The following NR3C2 variants were observed in gnomAD, a reference collection of about 807,000 sequenced individuals.
NR3C2 encodes mineralocorticoid receptor.
Under a neutral mutation model 86.4 loss-of-function variants are expected in NR3C2, and 15 were observed. The ratio of observed to expected loss-of-function variants is 0.17; its 90% confidence interval spans 0.12 to 0.27. The LOEUF (loss-of-function observed/expected upper bound fraction) is 0.27, where lower values mean the gene tolerates loss of function less well. NR3C2 is among the 10% of genes least tolerant of loss of function. The pLI is 1.00. For synonymous variants in NR3C2, 458 were observed against 450.5 expected (o/e 1.02, Z -0.21); for missense variants, 960 against 1,195.6 (o/e 0.80, Z 2.91).
At chr4:148,335,544 A>C in intron 2 of NR3C2, among the ~76,000 whole-genome samples, 1 of 152,222 alleles carries the variant, frequency 6.6e-6, no homozygotes, top group East Asian at 1.9e-4. Flanking sequence ...GCATCATCTC[A>C]AGTACTTCAG....
chr4:148,360,766 C>T (rs574757860), intron 2 of NR3C2, among the ~76,000 whole-genome samples: 37 of 152,132 alleles, frequency 2.4e-4, no homozygotes, highest in African/African-American at 8.9e-4. Context: ...ATCCTATATG[C>T]CAGGTATTTT....
At chr4:148,364,927 C>T (rs72729957) in intron 2 of NR3C2, among the ~76,000 whole-genome samples, 1 of 151,580 alleles carries the variant, frequency 6.6e-6, no homozygotes, top group Non-Finnish European at 1.5e-5. Context: ...ATACACAGAG[C>T]CTGAAGCTAA....
intron 8 of NR3C2, 123 bp from the exon 9 acceptor site, chr4:148,081,622 C>T: frequency 6.8e-6 from 9 of 1,321,974 alleles, no homozygotes; most frequent in Non-Finnish European, 9.5e-6. Flanking sequence ...GAGACCATGT[C>T]TTCATTAATT....
At chr4:148,351,379 GCAATCCA>G (rs1745265249) in intron 2 of NR3C2, among the ~76,000 whole-genome samples, 1 of 152,180 alleles carries the variant, frequency 6.6e-6, no homozygotes, top group African/African-American at 2.4e-5. Context: ...CTGAGCTCAG[GCAATCCA>G]CCTGCCTAGG....
intron 2 of NR3C2, among the ~76,000 whole-genome samples, chr4:148,304,908 T>G (rs3846327): frequency 6.7e-6 from 1 of 150,162 alleles, no homozygotes; most frequent in African/African-American, 2.4e-5. Context: ...TTTTTTTTTT[T>G]TCCTGAGAGA....
At chr4:148,086,856 C>T (rs538860496) in intron 8 of NR3C2, among the ~76,000 whole-genome samples, 34 of 152,256 alleles carry the variant, frequency 2.2e-4, no homozygotes, top group Middle Eastern at 3.4e-3. Flanking sequence ...GCATTCCCTT[C>T]GAAAACCGGC....
At chr4:148,445,299 C>T (rs1047769426), upstream of NR3C2, among the ~76,000 whole-genome samples, 19 of 151,830 alleles carry the variant, frequency 1.3e-4, no homozygotes, top group African/African-American at 4.1e-4. Context: ...TTTCCTGCTC[C>T]TCGGCTGCCC....
chr4:148,293,655 T>C (rs1194800021), intron 2 of NR3C2, among the ~76,000 whole-genome samples: 1 of 152,232 alleles, frequency 6.6e-6, no homozygotes, highest in Non-Finnish European at 1.5e-5. Flanking sequence ...TTCTGTGTCA[T>C]AAATCATTTA....
chr4:148,285,687 C>G (rs947417098), intron 2 of NR3C2, among the ~76,000 whole-genome samples: 14 of 152,202 alleles, frequency 9.2e-5, no homozygotes, highest in African/African-American at 3.1e-4. Flanking sequence ...AGCCTGGTGA[C>G]AGAGTGAGAC....
At chr4:148,282,259 G>A (rs560532441) in intron 2 of NR3C2, among the ~76,000 whole-genome samples, 31 of 152,180 alleles carry the variant, frequency 2.0e-4, no homozygotes, top group African/African-American at 7.2e-4. Context: ...CAAACTCGTG[G>A]CCTCAAGTGA....
chr4:148,377,104 A>T (rs1746716547), intron 2 of NR3C2, among the ~76,000 whole-genome samples: 1 of 152,226 alleles, frequency 6.6e-6, no homozygotes, highest in Non-Finnish European at 1.5e-5. Context: ...CTGACATTTT[A>T]TTCTGGTAGG....
intron 2 of NR3C2, among the ~76,000 whole-genome samples, chr4:148,281,436 A>C (rs2149896885): frequency 6.6e-6 from 1 of 152,368 alleles, no homozygotes; most frequent in Admixed American, 6.5e-5. Context: ...ATGGGCAAAT[A>C]ATGTATATTT....
At position 148,285,135 on chromosome 4, in the gene NR3C2, C is replaced by T. The variant is rs17024556; in HGVS notation, c.1758-25018G>A. On this transcript the variant is annotated intron_variant, in intron 2 of 8. Coordinates refer to ENST00000358102, the MANE Select transcript of NR3C2 (RefSeq NM_000901.5). ...CTACCCTACAACTGTCATGTGATTA[C>T]ACCATACTGAAAAAGTGCACTGGGG... is the stretch of plus-strand genomic sequence containing the variant. Among the ~76,000 whole-genome samples the T allele has an allele frequency of 8.1e-3, 1,238 of 152,300 alleles. 19 individuals carry two copies. Among genetic ancestry groups the T allele is most frequent in the African/African-American group, 0.028 (1,179 of 41,560 alleles).
intron 2 of NR3C2, among the ~76,000 whole-genome samples, chr4:148,358,981 C>T (rs931422290): frequency 2.6e-5 from 4 of 152,074 alleles, no homozygotes; most frequent in Non-Finnish European, 5.9e-5. Context: ...CACACACACA[C>T]ACACAGAGTG....
At chr4:148,292,921 C>A (rs911199500) in intron 2 of NR3C2, among the ~76,000 whole-genome samples, 4 of 152,054 alleles carry the variant, frequency 2.6e-5, no homozygotes, top group African/African-American at 9.7e-5. Flanking sequence ...ATACTCAAGG[C>A]CTTCTAGACA....
chr4:148,392,186 T>C (rs1360826860), intron 2 of NR3C2, among the ~76,000 whole-genome samples: 1 of 152,142 alleles, frequency 6.6e-6, no homozygotes, highest in Admixed American at 6.5e-5. Flanking sequence ...ATAGATCCAT[T>C]TACCAAATAT....
chr4:148,322,216 T>C (rs1743644340), intron 2 of NR3C2, among the ~76,000 whole-genome samples: 1 of 149,726 alleles, frequency 6.7e-6, no homozygotes, highest in Non-Finnish European at 1.5e-5. Flanking sequence ...CCCCACTCTC[T>C]TCTGGCTTGT....
At chr4:148,224,857 T>C (rs1459585182) in intron 3 of NR3C2, among the ~76,000 whole-genome samples, 1 of 152,202 alleles carries the variant, frequency 6.6e-6, no homozygotes, top group East Asian at 1.9e-4. Context: ...AATTAACAAA[T>C]GTTTATTTTC....
At position 148,442,177 on chromosome 4, in the gene NR3C2, C is replaced by T. The variant is rs1199155827; in HGVS notation, c.-20G>A. The stretch of plus-strand genomic sequence containing the variant: ...CTACACACCTGCCTCGGCCGGGGTC[C>T]GTCTCTCGCCGTCTACCTGTTGCAG... On this transcript the variant is annotated 5_prime_UTR_variant, in exon 1 of 9. Coordinates refer to ENST00000358102, the MANE Select transcript of NR3C2 (RefSeq NM_000901.5). The T allele has an allele frequency of 2.0e-5, 3 of 152,644 alleles. No individual in the cohort carries two copies. The highest frequency in any genetic ancestry group is 4.4e-5 in the Non-Finnish European group (3 of 68,330). The allele number at this position is 152,644 out of a possible 1,614,324, so 9.5% of individuals were successfully genotyped here.
Sources: gnomAD v4.1 joint callset for allele counts (sites outside exome capture counted in the v4.1 genomes callset) on GRCh38, gnomAD v4.1.1 for gene constraint, MANE v1.5 for transcripts, NCBI Gene and HGNC (gene_info 2026-07-23, HGNC 2026-07-21) for gene names.